The following SLC11A1 variants were observed in gnomAD, a reference collection of about 807,000 sequenced individuals.
SLC11A1 encodes the protein solute carrier family 11 member 1, also known as natural resistance-associated macrophage protein 1.
SLC11A1 carries 59 observed loss-of-function variants against 63.2 expected under a neutral mutation model. The ratio of observed to expected loss-of-function variants is 0.93; its 90% CI spans 0.76 to 1.16. The LOEUF (loss-of-function observed/expected upper bound fraction) is 1.16. Ranked by LOEUF, SLC11A1 falls within the 50% of genes most tolerant of loss-of-function variation. SLC11A1 has a pLI of 0.00. For synonymous variants in SLC11A1, 305 were observed against 307.8 expected (o/e 0.99, Z 0.09); for missense variants, 688 against 730.7 (o/e 0.94, Z 0.67).
chr2:218,386,753 G>C lies in SLC11A1; in HGVS notation c.500+12G>C. The C allele has an allele frequency of 1.3e-6, 2 of 1,597,354 alleles. No individual in the cohort carries two copies. Among genetic ancestry groups the C allele is most frequent in the South Asian group, 2.2e-5 (2 of 90,576 alleles). Reference sequence around the variant, plus strand: ...CTCTCAGCTGGACGGTACCACCCCAGTGTACCCCAACTCTTCAGGCCAGGC... The same window carrying C: ...CTCTCAGCTGGACGGTACCACCCCACTGTACCCCAACTCTTCAGGCCAGGC... On this transcript the variant is annotated intron_variant, in intron 5 of 14. Coordinates refer to ENST00000233202, the MANE Select transcript of SLC11A1 (RefSeq NM_000578.4).
Position 218,390,021 on chromosome 2 carries a change from A to C in SLC11A1, c.947A>C (p.Gln316Pro). Residue 316 changes from glutamine to proline, a missense_variant, in exon 9 of 15, where the codon CAG becomes CCG. By Grantham distance (76) the Gln-to-Pro change is moderately conservative. Transcript: ENST00000233202. Reference sequence around the variant, plus strand: ...CAGGCCTTCTACCAGAAAACCAACCAGGCTGCGGTGAGACACACTTTCCCC... The same window carrying C: ...CAGGCCTTCTACCAGAAAACCAACCCGGCTGCGGTGAGACACACTTTCCCC... ...FGQAFYQKTN[Q>P]AAFNICANSS... 2 of 1,610,630 alleles carry C rather than the reference A, an allele frequency of 1.2e-6. No individual in the cohort carries two copies. Among genetic ancestry groups the C allele is most frequent in the Non-Finnish European group, 1.7e-6 (2 of 1,178,060 alleles).
At chr2:218,391,166 AC>A (rs1448296266) in intron 9 of SLC11A1, 31 bp from the exon 10 acceptor site, 1 of 1,600,704 alleles carries the variant, frequency 6.2e-7, no homozygotes, top group Non-Finnish European at 8.6e-7. Context: ...CGTGCTCCTC[AC>A]ATCTTCCTTC....
rs767194674 is a variant in SLC11A1 at position 218,385,215 on chromosome 2, C to A, written c.342C>A (p.Gly114=). The A allele has an allele frequency of 1.3e-4, 214 of 1,613,904 alleles. No homozygotes were observed. Among genetic ancestry groups the A allele is most frequent in the Non-Finnish European group, 1.8e-4 (207 of 1,179,912 alleles). ...LLCQRLAARL[G]VVTGKDLGEV... is the part of the protein sequence containing the mutation. ...GCCAGCGACTGGCTGCACGTCTGGGCGTGGTGACAGGCAAGGACTTGGGCG... is the reference window on the plus strand; with the variant it reads ...GCCAGCGACTGGCTGCACGTCTGGGAGTGGTGACAGGCAAGGACTTGGGCG... Residue 114 remains glycine, a synonymous_variant, in exon 4 of 15, where the codon GGC becomes GGA. Coordinates refer to ENST00000233202, the MANE Select transcript of SLC11A1 (RefSeq NM_000578.4).
At chr2:218,392,137 T>C in intron 11 of SLC11A1, 1 of 380,186 alleles carries the variant, frequency 2.6e-6, no homozygotes, top group Non-Finnish European at 5.3e-6. Context: ...TGGCGCGATC[T>C]CCGGCTCACC....
At chr2:218,387,528 T>C in intron 6 of SLC11A1, 37 bp from the exon 7 acceptor site, 2 of 1,608,378 alleles carry the variant, frequency 1.2e-6, no homozygotes, top group Non-Finnish European at 1.7e-6. Context: ...CAGATTTTTT[T>C]CGTTGGTTTG....
At chr2:218,392,899 CG>C in intron 11 of SLC11A1, 81 bp from the exon 12 acceptor site, 1 of 1,142,130 alleles carries the variant, frequency 8.8e-7, no homozygotes, top group Non-Finnish European at 1.2e-6. Context: ...AGGGATAAAT[CG>C]GTTGAGGGAC....
rs1298829373 is a variant in SLC11A1, at chr2:218,394,184, C to G, written c.1379C>G (p.Ala460Gly). 2 of 1,613,994 alleles carry G rather than the reference C, an allele frequency of 1.2e-6. No individual in the cohort carries two copies. The highest frequency in any genetic ancestry group is 2.7e-5 in the African/African-American group (2 of 74,930). Residue 460 changes from alanine (A) to glycine (G), a missense_variant, in exon 13 of 15, where the codon GCC (alanine) becomes GGC (glycine). Transcript: ENST00000233202. Reference protein sequence around the residue: ...TSMPTLMQEFANGLLNKVVTS... With the variant: ...TSMPTLMQEFGNGLLNKVVTS... ...ATGCCCACCCTCATGCAGGAGTTTG[C>G]CAATGGCCTGTGAGTACCCCCTTTC... is the stretch of plus-strand genomic sequence containing the variant.
intron 9 of SLC11A1, among the ~76,000 whole-genome samples, chr2:218,390,758 T>G (rs1490880282): frequency 6.6e-6 from 1 of 151,832 alleles, no homozygotes; most frequent in Non-Finnish European, 1.5e-5. Flanking sequence ...GTGGACAGTG[T>G]GAAGAGGGCA....
chr2:218,388,140 C>T (rs1030431223), intron 8 of SLC11A1, 185 bp downstream of exon 8: 3 of 661,760 alleles, frequency 4.5e-6, no homozygotes, highest in Non-Finnish European at 7.4e-6. Flanking sequence ...GAGGCGGAGG[C>T]GGGCGGATCA....
intron 4 of SLC11A1, among the ~76,000 whole-genome samples, chr2:218,386,057 G>A (rs1335061305): frequency 6.6e-6 from 1 of 152,198 alleles, no homozygotes; most frequent in East Asian, 1.9e-4. Flanking sequence ...TTGCTGCTGA[G>A]CTCCTGGAAG....
intron 11 of SLC11A1, 158 bp from the exon 12 acceptor site, chr2:218,392,823 A>G: frequency 3.7e-6 from 2 of 536,964 alleles, no homozygotes; most frequent in Non-Finnish European, 6.3e-6. Context: ...CTCCCCACCC[A>G]TCCCCTCTTG....
chr2:218,392,926 C>T, intron 11 of SLC11A1, 55 bp from the exon 12 acceptor site: 4 of 1,432,620 alleles, frequency 2.8e-6, no homozygotes, highest in Non-Finnish European at 2.8e-6. Context: ...AGGATCTCTC[C>T]TCTGGAATCC....
At position 218,387,439 on chromosome 2, in the gene SLC11A1, G is replaced by C. The variant is rs1559118920; in HGVS notation, c.572-126G>C. On this transcript the variant is annotated intron_variant, in intron 6 of 14. Coordinates refer to ENST00000233202, the MANE Select transcript of SLC11A1 (RefSeq NM_000578.4). ...TTCAGAGGGTGGTTGTGAAGACTGA[G>C]TGAGGTAACATATGTTAAGCACTTG... The C allele has an allele frequency of 4.8e-6, 5 of 1,037,088 alleles. No individual in the cohort carries two copies. The Admixed American group carries it at 6.0e-5, about 13-fold the overall frequency. The allele number at this position is 1,037,088 out of a possible 1,614,324, so 64.2% of individuals were successfully genotyped here. A position where few individuals can be genotyped will look rare whatever the true frequency, so the allele number is the denominator to read the frequency against.
intron 12 of SLC11A1, 119 bp downstream of exon 12, chr2:218,393,249 C>T: frequency 9.3e-7 from 1 of 1,080,486 alleles, no homozygotes; most frequent in African/African-American, 1.7e-5. Context: ...ATCTTGCCTA[C>T]AAGGCTTCCA....
At chr2:218,393,605 T>A (rs1696581637) in intron 12 of SLC11A1, among the ~76,000 whole-genome samples, 1 of 151,684 alleles carries the variant, frequency 6.6e-6, no homozygotes, top group South Asian at 2.1e-4. Flanking sequence ...GCCTCCTAAG[T>A]AGCTGAGATT....
Position 218,384,121 on chromosome 2 carries a change from G to T in SLC11A1, c.151-122G>T. On this transcript the variant is annotated intron_variant, in intron 2 of 14. Coordinates refer to ENST00000233202, the MANE Select transcript of SLC11A1 (RefSeq NM_000578.4). The surrounding 1 kb of genome is among the most constrained non-coding windows in gnomAD (Gnocchi z 4.0). ...CCTTGGGTGGCAGACCCAGGAATGG[G>T]CCATGGAGGGCAGGGCTGGGCTGAT... is the stretch of plus-strand genomic sequence containing the variant. The T allele has an allele frequency of 9.3e-7, 1 of 1,075,426 alleles. No individual in the cohort carries two copies. The highest frequency in any genetic ancestry group is 2.2e-5 in the South Asian group (1 of 44,748). 66.6% of individuals were successfully genotyped at this position (1,075,426 alleles called of 1,614,324 possible).
rs1465244969 is a variant in SLC11A1, at chr2:218,384,560, C to A, written c.273+195C>A. 3.0e-6 allele frequency: 1 copy of A among 333,440 alleles called. No homozygotes were observed. The highest frequency in any genetic ancestry group is 5.4e-6 in the Non-Finnish European group (1 of 184,236). The allele number at this position is 333,440 out of a possible 1,614,324, so 20.7% of individuals were successfully genotyped here. ...TGTGTGGGGGGTAGGGGACTGGACT[C>A]CTCTCTTTAAAATATATATATGTAT... On this transcript the variant is annotated intron_variant, in intron 3 of 14. Transcript: ENST00000233202. This position sits in a 1 kb window ranked among gnomAD's most constrained non-coding sequence, Gnocchi z 4.0.
chr2:218,385,492 G>A, intron 4 of SLC11A1: 1 of 574,260 alleles, frequency 1.7e-6, no homozygotes, highest in Non-Finnish European at 3.3e-6. Context: ...CCAGGTACAA[G>A]TGATTCTCCT....
At position 218,384,832 on chromosome 2, in the gene SLC11A1, C is replaced by T. The variant is rs1695991701; in HGVS notation, c.274-315C>T. ...TGAACTCCTGACCTCAAGTGATCCACCGCCTCGGCCTCCCAAAGTGCTGGG... is the reference window on the plus strand; with the variant it reads ...TGAACTCCTGACCTCAAGTGATCCATCGCCTCGGCCTCCCAAAGTGCTGGG... On this transcript the variant is annotated intron_variant, in intron 3 of 14. Transcript: ENST00000233202. This position sits in a 1 kb window ranked among gnomAD's most constrained non-coding sequence, Gnocchi z 4.0. 1 of 326,764 alleles carries T rather than the reference C, an allele frequency of 3.1e-6. No homozygotes were observed. The highest frequency in any genetic ancestry group is 2.2e-5 in the African/African-American group (1 of 45,774). 20.2% of individuals were successfully genotyped at this position (326,764 alleles called of 1,614,324 possible).
Sources: allele counts gnomAD v4.1 joint callset (sites outside exome capture counted in the v4.1 genomes callset), GRCh38; gene constraint gnomAD v4.1.1; non-coding constraint Gnocchi (gnomAD v3.1); transcripts MANE v1.5; gene names NCBI Gene and HGNC (gene_info 2026-07-23, HGNC 2026-07-21).